Variants in NCS1 observed in about 807,000 individuals in gnomAD.
NCS1 encodes the protein neuronal calcium sensor 1.
In NCS1, 6 loss-of-function variants were observed where a neutral mutation model predicts 28.4. The observed-to-expected ratio is 0.21, with a 90% CI of 0.12 to 0.42. NCS1 has a LOEUF of 0.42. Ranked by LOEUF, NCS1 falls within the 10% of genes least tolerant of loss-of-function variation. NCS1 has a pLI of 1.00. For missense variants in NCS1, 131 were observed against 241.4 expected, an observed-to-expected ratio of 0.54 and a Z score of 3.03; for synonymous variants, 86 against 99.3, an observed-to-expected ratio of 0.87 and a Z score of 0.79.
rs1833087208 is a variant in NCS1, at chr9:130,209,843, A to G, written c.90-7989A>G. Among the ~76,000 whole-genome samples, 1 of 152,118 alleles carries G rather than the reference A, an allele frequency of 6.6e-6. No homozygotes were observed. Among genetic ancestry groups the G allele is most frequent in the Admixed American group, 6.6e-5 (1 of 15,266 alleles). On this transcript the variant is annotated intron_variant, in intron 2 of 7. Transcript: ENST00000372398. This position sits in a 1 kb window ranked among gnomAD's most constrained non-coding sequence, Gnocchi z 4.4. The stretch of plus-strand genomic sequence containing the variant: ...AGCTGGTTCCCAAACACAGTCAACC[A>G]TATCAGAAACCTCGGCTTCCCGTGG...
At position 130,229,419 on chromosome 9, in the gene NCS1, TA is replaced by T. The variant is rs1223481668; in HGVS notation, c.*17+2917del. On this transcript the variant is annotated intron_variant, in intron 7 of 7. Coordinates refer to ENST00000372398, the MANE Select transcript of NCS1 (RefSeq NM_014286.4). ...ACAGGTGCTTGCCACCACGCCCGGC[TA>T]ATTTTTGTACTTTTAGTAGAGATGG... Among the ~76,000 whole-genome samples the T allele has an allele frequency of 2.0e-5, 3 of 151,978 alleles. No individual in the cohort carries two copies. In the East Asian group the frequency reaches 5.8e-4, roughly 29 times the overall value.
At chr9:130,216,811 G>A (rs929834968) in intron 2 of NCS1, among the ~76,000 whole-genome samples, 7 of 150,974 alleles carry the variant, frequency 4.6e-5, no homozygotes, top group African/African-American at 1.5e-4. Context: ...GTCGCGTCAG[G>A]CCCTGCAAAG....
intron 1 of NCS1, among the ~76,000 whole-genome samples, chr9:130,188,423 CTTT>C (rs34686734): frequency 4.3e-5 from 6 of 138,188 alleles, no homozygotes; most frequent in South Asian, 2.3e-4. Flanking sequence ...CTGAACTTTC[CTTT>C]TTTTTTTTTT....
At chr9:130,211,709 G>C (rs947513) in intron 2 of NCS1, among the ~76,000 whole-genome samples, 5,876 of 151,908 alleles carry the variant, frequency 0.039, 373 homozygotes, top group African/African-American at 0.13. Context: ...TTGGCTAGCT[G>C]TGTGAGCCTG....
At position 130,223,067 on chromosome 9, in the gene NCS1, T is replaced by C. The variant is rs1554910830; in HGVS notation, c.397-15T>C. 6.2e-7 allele frequency: 1 copy of C among 1,610,154 alleles called. No individual in the cohort carries two copies. The highest frequency in any genetic ancestry group is 1.7e-5 in the Admixed American group (1 of 59,962). ...AGAGTGCCAGGGCCCACCCCCGCCT[T>C]GTCCGTCCCTGCAGGGGAATACCGT... On this transcript the variant is annotated splice_polypyrimidine_tract_variant and intron_variant, in intron 5 of 7. Transcript: ENST00000372398.
In NCS1 at chr9:130,236,000, C is replaced by A. The variant is rs531235913; in HGVS notation, c.*3028C>A. On this transcript the variant is annotated 3_prime_UTR_variant, in exon 8 of 8. Coordinates refer to ENST00000372398, the MANE Select transcript of NCS1 (RefSeq NM_014286.4). ...TTGATGGTGACTTAGGAGAATGTTC[C>A]GATTTTCCATGATCTAAGCAGGCCA... is the stretch of plus-strand genomic sequence containing the variant. The A allele has an allele frequency of 6.6e-6, 1 of 152,254 alleles. No homozygotes were observed. The highest frequency in any genetic ancestry group is 1.5e-5 in the Non-Finnish European group (1 of 68,072). The allele number at this position is 152,254 out of a possible 1,614,324, so 9.4% of individuals were successfully genotyped here.
intron 2 of NCS1, among the ~76,000 whole-genome samples, chr9:130,205,537 G>GGA (rs1196575184): frequency 2.5e-4 from 29 of 115,188 alleles, no homozygotes; most frequent in Non-Finnish European, 3.1e-4. Context: ...TCGTCTCTTA[G>GGA]AAAAAAAAAA....
intron 7 of NCS1, among the ~76,000 whole-genome samples, chr9:130,229,652 CCATGT>C (rs1196930311): frequency 3.3e-5 from 5 of 152,190 alleles, no homozygotes; most frequent in African/African-American, 1.2e-4. Context: ...TTGCAAATCA[CCATGT>C]CATATTATTT....
chr9:130,212,546 G>C (rs1554908906), intron 2 of NCS1, among the ~76,000 whole-genome samples: 1 of 150,606 alleles, frequency 6.6e-6, no homozygotes, highest in Non-Finnish European at 1.5e-5. Flanking sequence ...GGGCGTTGTG[G>C]GGAAGGGGTT....
At chr9:130,223,530 A>T (rs1025100483) in intron 6 of NCS1, among the ~76,000 whole-genome samples, 6 of 152,110 alleles carry the variant, frequency 3.9e-5, no homozygotes, top group Non-Finnish European at 8.8e-5. Context: ...AGAGTATTTT[A>T]AAAAAAGAAT....
Position 130,222,612 on chromosome 9 carries a change from C to T in NCS1, c.308-38C>T, listed in dbSNP as rs202069674. The stretch of plus-strand genomic sequence containing the variant: ...GAGTTGAAGACCCCTCCCCACTGCC[C>T]CAGCCCAGGATCACTCAGCAGTGCT... On this transcript the variant is annotated intron_variant, in intron 4 of 7. Transcript: ENST00000372398. The T allele has an allele frequency of 1.4e-5, 22 of 1,596,970 alleles. No individual in the cohort carries two copies. The Middle Eastern group carries it at 5.0e-4, about 36-fold the overall frequency.
intron 5 of NCS1, 115 bp downstream of exon 5, chr9:130,222,853 T>G: frequency 8.7e-7 from 1 of 1,150,352 alleles, no homozygotes; most frequent in East Asian, 2.5e-5. Context: ...GAAGCAGGGG[T>G]CACTGGCTGA....
intron 7 of NCS1, among the ~76,000 whole-genome samples, chr9:130,227,045 G>GAAA (rs1332392681): frequency 7.9e-6 from 1 of 126,668 alleles, no homozygotes; most frequent in African/African-American, 2.9e-5. Flanking sequence ...AAAAAGAAAA[G>GAAA]AAAAAAAAAA....
Position 130,231,627 on chromosome 9 carries a change from G to A in NCS1, c.*18-1363G>A, listed in dbSNP as rs782527470. ...TCGAACTCTTGAACTCAGGTGATCC[G>A]CGTACCTTGGCTTCCTAAAGGGTTG... On this transcript the variant is annotated intron_variant, in intron 7 of 7. Transcript: ENST00000372398. Among the ~76,000 whole-genome samples the A allele has an allele frequency of 5.9e-5, 9 of 152,088 alleles. 1 individual carries two copies. The South Asian group carries it at 6.3e-4, about 11-fold the overall frequency.
At chr9:130,213,521 C>T (rs1398500865) in intron 2 of NCS1, among the ~76,000 whole-genome samples, 11 of 151,976 alleles carry the variant, frequency 7.2e-5, no homozygotes, top group African/African-American at 1.7e-4. Flanking sequence ...CCTTGTGATC[C>T]GCCCGTCTCA....
At chr9:130,196,505 G>A (rs781899889) in intron 1 of NCS1, among the ~76,000 whole-genome samples, 2 of 152,220 alleles carry the variant, frequency 1.3e-5, no homozygotes, top group African/African-American at 2.4e-5. Flanking sequence ...TTGGGAGGCC[G>A]AGGCGGATGG....
chr9:130,185,530 C>T (rs1282340208), intron 1 of NCS1, among the ~76,000 whole-genome samples: 1 of 152,198 alleles, frequency 6.6e-6, no homozygotes, highest in Non-Finnish European at 1.5e-5. Flanking sequence ...ACCCCAGACC[C>T]TTCTCACCTG....
chr9:130,191,315 C>T lies in NCS1; in HGVS notation c.65-9643C>T, dbSNP rs1215553545. ...AGCGGTGAAGAGCAGCTCCCGGGAG[C>T]TGGGGCTGAAGGTTACCTGGCCTGG... On this transcript the variant is annotated intron_variant, in intron 1 of 7. Transcript: ENST00000372398. This position sits in a 1 kb window ranked among gnomAD's most constrained non-coding sequence, Gnocchi z 6.4. 6.6e-6 allele frequency among the ~76,000 whole-genome samples: 1 copy of T among 152,096 alleles called. No homozygotes were observed. The highest frequency in any genetic ancestry group is 6.5e-5 in the Admixed American group (1 of 15,278).
chr9:130,174,928 A>G (rs1554904462), intron 1 of NCS1, among the ~76,000 whole-genome samples: 1 of 152,046 alleles, frequency 6.6e-6, no homozygotes, highest in Non-Finnish European at 1.5e-5. Flanking sequence ...TGTCAACTTT[A>G]AGAGAAGTTG....
Sources: gnomAD v4.1 joint callset for allele counts (sites outside exome capture counted in the v4.1 genomes callset) on GRCh38, gnomAD v4.1.1 for gene constraint, Gnocchi (gnomAD v3.1) non-coding constraint, MANE v1.5 for transcripts, NCBI Gene and HGNC (gene_info 2026-07-23, HGNC 2026-07-21) for gene names.